The following LMX1B variants were observed in gnomAD, a reference collection of about 807,000 sequenced individuals.
LMX1B encodes LIM homeobox transcription factor 1 beta.
LMX1B carries 12 observed loss-of-function variants against 51.4 expected under a neutral mutation model. That is an observed-to-expected ratio of 0.23 (90% CI 0.15 to 0.38). LMX1B has a LOEUF of 0.38. Among genes scored for constraint, LMX1B ranks in the 10% least tolerant of loss-of-function variants. LMX1B has a pLI of 1.00. For synonymous variants in LMX1B, 237 were observed against 235.4 expected (o/e 1.01, Z -0.06); for missense variants, 445 against 571.1 (o/e 0.78, Z 2.25).
intron 2 of LMX1B, among the ~76,000 whole-genome samples, chr9:126,649,589 C>A (rs930335892): frequency 4.6e-5 from 7 of 152,182 alleles, no homozygotes; most frequent in African/African-American, 1.7e-4. Context: ...ATGCTGAGGC[C>A]ACTGATGGGG....
At chr9:126,681,507 T>C (rs1424774231) in intron 2 of LMX1B, among the ~76,000 whole-genome samples, 3 of 152,098 alleles carry the variant, frequency 2.0e-5, no homozygotes, top group African/African-American at 7.2e-5. Flanking sequence ...CCCTCCTGGC[T>C]CTGAGCCAAC....
At chr9:126,691,524 A>G (rs369734753) in intron 3 of LMX1B, among the ~76,000 whole-genome samples, 63 of 152,320 alleles carry the variant, frequency 4.1e-4, no homozygotes, top group African/African-American at 1.5e-3. Context: ...ACCGGTCCAC[A>G]TGGCTGCACA....
At chr9:126,653,701 A>ACAGGATCCCTCCTGTTGCCCCC (rs1427513328) in intron 2 of LMX1B, among the ~76,000 whole-genome samples, 27 of 152,076 alleles carry the variant, frequency 1.8e-4, no homozygotes, top group Non-Finnish European at 5.9e-5. Context: ...ATCTGCCCCC[A>ACAGGATCCCTCCTGTTGCCCCC]CAGGATCCCT....
intron 2 of LMX1B, among the ~76,000 whole-genome samples, chr9:126,639,190 AG>A (rs1835766153): frequency 6.6e-6 from 1 of 152,144 alleles, no homozygotes; most frequent in South Asian, 2.1e-4. Flanking sequence ...ACAGTGAGGC[AG>A]GGGCAGAGCC....
intron 2 of LMX1B, among the ~76,000 whole-genome samples, chr9:126,687,680 G>A (rs1425945752): frequency 1.3e-5 from 2 of 152,236 alleles, no homozygotes; most frequent in East Asian, 1.9e-4. Flanking sequence ...CTGAGATGCA[G>A]GCAGTGTTGT....
intron 2 of LMX1B, among the ~76,000 whole-genome samples, chr9:126,657,962 A>C (rs7853443): frequency 0.41 from 62,971 of 151,952 alleles, 13,937 homozygotes; most frequent in African/African-American, 0.51. Context: ...AGCACAGTCC[A>C]GGGTGGGCTA....
chr9:126,655,185 G>C (rs1588283421), intron 2 of LMX1B, among the ~76,000 whole-genome samples: 1 of 152,224 alleles, frequency 6.6e-6, no homozygotes, highest in Non-Finnish European at 1.5e-5. Context: ...AGATGCCCTG[G>C]CCTGGGGCCA....
At chr9:126,674,843 AGC>A (rs1207259788) in intron 2 of LMX1B, among the ~76,000 whole-genome samples, 1 of 152,170 alleles carries the variant, frequency 6.6e-6, no homozygotes, top group Admixed American at 6.5e-5. Flanking sequence ...GGACCCTCTT[AGC>A]GAGTCTCCCC....
In LMX1B at chr9:126,615,480, G is replaced by T. The variant is rs2118823518; in HGVS notation, c.237G>T (p.Glu79Asp). The change falls in exon 2 of 8, where the codon GAG (glutamate) becomes GAT (aspartate). Residue 79 changes from glutamate to aspartate, a missense_variant. By Grantham distance (45) the Glu-to-Asp change is conservative. Around this residue, in one of 3 missense-constraint regions of LMX1B, gnomAD observed 273 missense variants for 343.3 expected, o/e 0.80. Coordinates refer to ENST00000373474, the MANE Select transcript of LMX1B (RefSeq NM_001174147.2). The surrounding 1 kb of genome is among the most constrained non-coding windows in gnomAD (Gnocchi z 6.0). ...MRVNESSWHEECLQCAACQQA... is the reference protein window; with the variant it reads ...MRVNESSWHEDCLQCAACQQA... ...TCAACGAGTCGTCCTGGCACGAGGA[G>T]TGTTTGCAGTGCGCGGCGTGTCAGC... The T allele has an allele frequency of 3.7e-6, 6 of 1,611,652 alleles. No individual in the cohort carries two copies. Among genetic ancestry groups the T allele is most frequent in the Non-Finnish European group, 3.4e-6 (4 of 1,178,794 alleles).
chr9:126,675,550 C>A (rs1703707021), intron 2 of LMX1B, among the ~76,000 whole-genome samples: 1 of 150,406 alleles, frequency 6.6e-6, no homozygotes, highest in South Asian at 2.1e-4. Flanking sequence ...CATGGTGAAA[C>A]CCCGTCTCTA....
intron 3 of LMX1B, 102 bp downstream of exon 3, chr9:126,691,170 C>A: frequency 1.2e-6 from 1 of 815,318 alleles, no homozygotes; most frequent in South Asian, 1.6e-5. Context: ...GCTTCCAGGA[C>A]CTGAGCTGCA....
chr9:126,668,443 TTTATTATTA>T (rs61392859), intron 2 of LMX1B, among the ~76,000 whole-genome samples: 1 of 146,922 alleles, frequency 6.8e-6, no homozygotes, highest in African/African-American at 2.5e-5. Flanking sequence ...AGAAGCAGGA[TTTATTATTA>T]TTATTATTAT....
intron 2 of LMX1B, among the ~76,000 whole-genome samples, chr9:126,644,463 C>G (rs1401305344): frequency 6.6e-6 from 1 of 152,172 alleles, no homozygotes; most frequent in Admixed American, 6.5e-5. Flanking sequence ...GCTCCCTTCT[C>G]TAGGACGGGG....
intron 2 of LMX1B, among the ~76,000 whole-genome samples, chr9:126,675,189 C>T (rs1836532038): frequency 6.6e-6 from 1 of 152,018 alleles, no homozygotes; most frequent in Non-Finnish European, 1.5e-5. Context: ...CCCCAAAATA[C>T]ACCCAAAACC....
rs2030482775 is a variant in LMX1B at position 126,699,896 on chromosome 9, G to A, written c.*3445G>A. The A allele has an allele frequency of 6.6e-6, 1 of 152,290 alleles. No homozygotes were observed. The highest frequency in any genetic ancestry group is 2.4e-5 in the African/African-American group (1 of 41,456). The allele number at this position is 152,290 out of a possible 1,614,324, so 9.4% of individuals were successfully genotyped here. ...CACCCCTTGCCCGTGCCGTGACATG[G>A]AACCTTCATCACTAAGGGGGCTGGA... On this transcript the variant is annotated 3_prime_UTR_variant, in exon 8 of 8. Coordinates refer to ENST00000373474, the MANE Select transcript of LMX1B (RefSeq NM_001174147.2).
intron 2 of LMX1B, among the ~76,000 whole-genome samples, chr9:126,661,881 C>A (rs1044506126): frequency 6.6e-6 from 1 of 152,204 alleles, no homozygotes; most frequent in Non-Finnish European, 1.5e-5. Flanking sequence ...AGCCCTCAGC[C>A]GCCTCAATCA....
Position 126,693,538 on chromosome 9 carries a change from G to A in LMX1B, c.756G>A (p.Leu252=). ...SKPCRKVRET[L]AAETGLSVRV... ...CTCTGAGCCAGGTCCGAGAGACACT[G>A]GCAGCTGAGACGGGCCTCAGTGTGC... Residue 252 remains leucine (L), a synonymous_variant, in exon 5 of 8, where the codon CTG becomes CTA. Transcript: ENST00000373474. 1 of 1,614,078 alleles carries A rather than the reference G, an allele frequency of 6.2e-7. No individual in the cohort carries two copies. Among genetic ancestry groups the A allele is most frequent in the Non-Finnish European group, 8.5e-7 (1 of 1,179,994 alleles).
intron 2 of LMX1B, among the ~76,000 whole-genome samples, chr9:126,650,299 G>A (rs1283949660): frequency 6.6e-6 from 1 of 152,224 alleles, no homozygotes; most frequent in East Asian, 1.9e-4. Context: ...TAGGGTCACA[G>A]ACCTTGGTCA....
chr9:126,663,383 C>T (rs904709475), intron 2 of LMX1B, among the ~76,000 whole-genome samples: 16 of 149,760 alleles, frequency 1.1e-4, no homozygotes, highest in African/African-American at 4.0e-4. Context: ...GAGAACACAC[C>T]ACTGCACTCC....
Sources: gnomAD v4.1 joint callset for allele counts (sites outside exome capture counted in the v4.1 genomes callset) on GRCh38, gnomAD v4.1.1 for gene constraint, gnomAD v4.1.1 regional missense constraint, Gnocchi (gnomAD v3.1) non-coding constraint, MANE v1.5 for transcripts, NCBI Gene and HGNC (gene_info 2026-07-23, HGNC 2026-07-21) for gene names.